PDZRN3: variants seen among roughly 807,000 people sequenced by gnomAD.
The protein encoded by PDZRN3 is E3 ubiquitin-protein ligase PDZRN3.
PDZRN3 carries 38 observed loss-of-function variants against 85.7 expected under a neutral mutation model. The observed-to-expected ratio is 0.44, with a 90% confidence interval of 0.34 to 0.58. The LOEUF (loss-of-function observed/expected upper bound fraction) is 0.58, where lower values mean the gene tolerates loss of function less well. Ranked by LOEUF, PDZRN3 falls within the 20% of genes least tolerant of loss-of-function variation. The pLI, the probability that PDZRN3 is intolerant of heterozygous loss-of-function variation, is 0.01. For synonymous variants in PDZRN3, 759 were observed against 638.0 expected (o/e 1.19, Z -2.86); for missense variants, 1,629 against 1,506.4 (o/e 1.08, Z -1.35).
At chr3:73,614,249 T>A (rs1702728251) in intron 1 of PDZRN3, among the ~76,000 whole-genome samples, 1 of 152,236 alleles carries the variant, frequency 6.6e-6, no homozygotes, top group Admixed American at 6.5e-5. Context: ...TGACATCTTA[T>A]GAGGCTGCAT....
intron 3 of PDZRN3, among the ~76,000 whole-genome samples, chr3:73,468,125 T>A (rs892407343): frequency 1.3e-5 from 2 of 151,824 alleles, no homozygotes; most frequent in African/African-American, 2.4e-5. Flanking sequence ...ATAATAATAA[T>A]TAAAAAAAAA....
intron 3 of PDZRN3, among the ~76,000 whole-genome samples, chr3:73,450,368 T>C (rs757321565): frequency 3.9e-5 from 6 of 152,190 alleles, no homozygotes; most frequent in South Asian, 2.1e-4. Flanking sequence ...ATGGGTGACA[T>C]TGCTCATGGA....
At chr3:73,424,717 A>G (rs976434034) in intron 3 of PDZRN3, among the ~76,000 whole-genome samples, 1 of 152,128 alleles carries the variant, frequency 6.6e-6, no homozygotes, top group African/African-American at 2.4e-5. Context: ...AGAAATGGGC[A>G]AAAAGTTGGA....
At chr3:73,408,486 A>G (rs557017708) in intron 3 of PDZRN3, among the ~76,000 whole-genome samples, 143 of 152,158 alleles carry the variant, frequency 9.4e-4, no homozygotes, top group Non-Finnish European at 1.8e-3. Flanking sequence ...GTATGCCGTA[A>G]GGCTTCTTGA....
intron 3 of PDZRN3, among the ~76,000 whole-genome samples, chr3:73,416,875 G>GTTTTTTTTTTTTTTTTTTTTTTT (rs1491373717): frequency 2.2e-4 from 9 of 40,744 alleles, no homozygotes; most frequent in African/African-American, 5.8e-4. Context: ...GTTTTTTTTT[G>GTTTTTTTTTTTTTTTTTTTTTTT]GTTTTTTTTT....
At chr3:73,462,055 T>C (rs1703115226) in intron 3 of PDZRN3, among the ~76,000 whole-genome samples, 1 of 152,218 alleles carries the variant, frequency 6.6e-6, no homozygotes. Context: ...ATACCATATA[T>C]CATTTTTGCT....
intron 3 of PDZRN3, among the ~76,000 whole-genome samples, chr3:73,499,000 T>C (rs931479213): frequency 3.3e-5 from 5 of 152,172 alleles, no homozygotes; most frequent in South Asian, 2.1e-4. Context: ...GGTCCCAGCA[T>C]AGGCAGAAAC....
chr3:73,612,467 A>G (rs1231322755), intron 1 of PDZRN3, among the ~76,000 whole-genome samples: 3 of 152,220 alleles, frequency 2.0e-5, no homozygotes, highest in Admixed American at 6.5e-5. Context: ...CTATGCAATA[A>G]TAATTGCAAA....
In PDZRN3 at chr3:73,384,879, T is replaced by G; in HGVS notation, c.1687A>C (p.Asn563His). ...ACACCGCTGTCCTTCTCGTGCTGGTTGGACAAGATGGTGGCTGTATCTGTG... is the reference window on the plus strand; with the variant it reads ...ACACCGCTGTCCTTCTCGTGCTGGTGGGACAAGATGGTGGCTGTATCTGTG... ...GTTDTATILSNQHEKDSGVGR... is the reference protein window; with the variant it reads ...GTTDTATILSHQHEKDSGVGR... Residue 563 changes from asparagine (N) to histidine (H), a missense_variant, in exon 10 of 10, where the codon AAC (asparagine) becomes CAC (histidine). Physicochemically the swap from Asn to His is moderately conservative, Grantham distance 68. Transcript: ENST00000263666. The G allele has an allele frequency of 1.9e-6, 3 of 1,613,364 alleles. No homozygotes were observed. Among genetic ancestry groups the G allele is most frequent in the Non-Finnish European group, 2.5e-6 (3 of 1,179,532 alleles).
chr3:73,532,271 G>T (rs1221584472), intron 3 of PDZRN3, among the ~76,000 whole-genome samples: 2 of 152,110 alleles, frequency 1.3e-5, no homozygotes, highest in African/African-American at 4.8e-5. Flanking sequence ...AAAGTGCTGG[G>T]ATTACAGGCG....
chr3:73,608,687 G>A lies in PDZRN3; in HGVS notation c.724-3C>T, dbSNP rs1380983235. 6.3e-7 allele frequency: 1 copy of A among 1,594,956 alleles called. No homozygotes were observed. Among genetic ancestry groups the A allele is most frequent in the South Asian group, 1.1e-5 (1 of 89,322 alleles). On this transcript the variant is annotated splice_polypyrimidine_tract_variant and splice_region_variant and intron_variant, in intron 1 of 9. Coordinates refer to ENST00000263666, the MANE Select transcript of PDZRN3 (RefSeq NM_015009.3). ...GTCAGACTTTTGGTTTCTTCGCCCT[G>A]CAGGTAACAAATGAGATCAAACTTT...
chr3:73,502,109 C>T (rs1005198265), intron 3 of PDZRN3, among the ~76,000 whole-genome samples: 3 of 152,174 alleles, frequency 2.0e-5, no homozygotes, highest in Non-Finnish European at 4.4e-5. Flanking sequence ...CCAAATGCAA[C>T]CGTTTTCTTA....
Position 73,624,897 on chromosome 3 carries a change from C to G in PDZRN3, c.-72G>C. On this transcript the variant is annotated 5_prime_UTR_variant, in exon 1 of 10. Coordinates refer to ENST00000263666, the MANE Select transcript of PDZRN3 (RefSeq NM_015009.3). ...CTCCCTCCCCACGAGGCGGCCCAGA[C>G]AGGCCGGCTACGCCGCCCGCGCGCT... 1.7e-6 allele frequency: 2 copies of G among 1,195,492 alleles called. No individual in the cohort carries two copies. The highest frequency in any genetic ancestry group is 2.1e-6 in the Non-Finnish European group (2 of 949,768). 74.1% of individuals were successfully genotyped at this position (1,195,492 alleles called of 1,614,324 possible). A position where few individuals can be genotyped will look rare whatever the true frequency, so the allele number is the denominator to read the frequency against.
intron 7 of PDZRN3, among the ~76,000 whole-genome samples, chr3:73,389,365 C>T (rs141498430): frequency 2.0e-5 from 3 of 152,126 alleles, no homozygotes; most frequent in South Asian, 4.1e-4. Flanking sequence ...ACTTTTCAAT[C>T]GATGCTGCTA....
intron 3 of PDZRN3, chr3:73,408,238 G>A (rs369193807): frequency 2.8e-6 from 2 of 702,540 alleles, no homozygotes; most frequent in East Asian, 5.4e-5. Flanking sequence ...CAATTTAACT[G>A]TTCTCAGTTC....
At chr3:73,494,971 TGG>T (rs1346162101) in intron 3 of PDZRN3, among the ~76,000 whole-genome samples, 9 of 152,194 alleles carry the variant, frequency 5.9e-5, no homozygotes, top group Admixed American at 5.2e-4. Flanking sequence ...AGCTAAACAT[TGG>T]GTACTCGTGG....
At chr3:73,607,271 C>A (rs538231491) in intron 2 of PDZRN3, among the ~76,000 whole-genome samples, 1 of 152,156 alleles carries the variant, frequency 6.6e-6, no homozygotes, top group African/African-American at 2.4e-5. Flanking sequence ...CCCTTTTGTA[C>A]GTAACTTTTT....
At chr3:73,569,909 C>T (rs1291368535) in intron 3 of PDZRN3, among the ~76,000 whole-genome samples, 1 of 152,318 alleles carries the variant, frequency 6.6e-6, no homozygotes, top group African/African-American at 2.4e-5. Context: ...TGCTTGCCCC[C>T]TCACAGGGCT....
chr3:73,404,130 C>A lies in PDZRN3; in HGVS notation c.1166+18G>T. On this transcript the variant is annotated intron_variant, in intron 4 of 9. Coordinates refer to ENST00000263666, the MANE Select transcript of PDZRN3 (RefSeq NM_015009.3). ...AATACTTCTTAATGCATTAGGGGTTCAAGATTAGGTTACTTACTCCTCTGG... is the reference window on the plus strand; with the variant it reads ...AATACTTCTTAATGCATTAGGGGTTAAAGATTAGGTTACTTACTCCTCTGG... The A allele has an allele frequency of 6.2e-7, 1 of 1,608,498 alleles. No individual in the cohort carries two copies. Among genetic ancestry groups the A allele is most frequent in the Non-Finnish European group, 8.5e-7 (1 of 1,176,334 alleles).
Sources: allele counts gnomAD v4.1 joint callset (sites outside exome capture counted in the v4.1 genomes callset), GRCh38; gene constraint gnomAD v4.1.1; transcripts MANE v1.5; gene names NCBI Gene and HGNC (gene_info 2026-07-23, HGNC 2026-07-21).